CIMIP6: variants seen among roughly 807,000 people sequenced by gnomAD.
The protein encoded by CIMIP6 is uncharacterized protein C2orf73.
chr2:54,362,451 C>T, the CIMIP6 span, among the ~76,000 whole-genome samples: 5 of 152,278 alleles, frequency 3.3e-5, no homozygotes, highest in African/African-American at 1.2e-4. Context: ...TATTTCCATC[C>T]CTTCCATTCT....
chr2:54,354,883 T>C, the CIMIP6 span, among the ~76,000 whole-genome samples: 1 of 152,168 alleles, frequency 6.6e-6, no homozygotes, highest in Admixed American at 6.5e-5. Context: ...TTTTTACAGG[T>C]ATAATACTTA....
At chr2:54,366,163 A>G in the CIMIP6 span, among the ~76,000 whole-genome samples, 2 of 152,194 alleles carry the variant, frequency 1.3e-5, no homozygotes, top group African/African-American at 4.8e-5. Flanking sequence ...TGGGTTGACT[A>G]TATTACTATG....
the CIMIP6 span, among the ~76,000 whole-genome samples, chr2:54,341,363 C>T: frequency 6.6e-6 from 1 of 152,138 alleles, no homozygotes; most frequent in Non-Finnish European, 1.5e-5. Context: ...TGTGAGGATG[C>T]AGTGTTCAAG....
chr2:54,368,283 A>C, the CIMIP6 span, among the ~76,000 whole-genome samples: 3 of 151,868 alleles, frequency 2.0e-5, no homozygotes, highest in East Asian at 3.9e-4. Flanking sequence ...ATAAAGTTAA[A>C]ATTTCTTTGA....
chr2:54,381,806 T>C, the CIMIP6 span: 5 of 1,512,182 alleles, frequency 3.3e-6, no homozygotes, highest in South Asian at 1.3e-5. Flanking sequence ...TCAGACTTTT[T>C]CCCATAATTT....
At chr2:54,363,560 C>CTTTGTT in the CIMIP6 span, among the ~76,000 whole-genome samples, 118 of 152,150 alleles carry the variant, frequency 7.8e-4, no homozygotes, top group African/African-American at 2.5e-3. Flanking sequence ...ACTATCAGGT[C>CTTTGTT]ATCTCTACAC....
chr2:54,382,137 CAACA>C, the CIMIP6 span, among the ~76,000 whole-genome samples: 23 of 152,150 alleles, frequency 1.5e-4, no homozygotes, highest in Admixed American at 7.2e-4. Flanking sequence ...CAATGAAAGA[CAACA>C]AACATTCTAA....
At chr2:54,378,353 T>C in the CIMIP6 span, among the ~76,000 whole-genome samples, 5 of 152,202 alleles carry the variant, frequency 3.3e-5, no homozygotes, top group African/African-American at 1.2e-4. Flanking sequence ...CCGGAGCTTA[T>C]CCAGGTGCAG....
chr2:54,344,977 T>C, the CIMIP6 span, among the ~76,000 whole-genome samples: 1 of 152,194 alleles, frequency 6.6e-6, no homozygotes, highest in Non-Finnish European at 1.5e-5. Flanking sequence ...CCAGGCACTT[T>C]ATGGAACTTT....
chr2:54,363,649 A>AT, the CIMIP6 span, among the ~76,000 whole-genome samples: 5 of 151,534 alleles, frequency 3.3e-5, no homozygotes, highest in Non-Finnish European at 4.4e-5. Flanking sequence ...TTTATTTAAA[A>AT]ATTTTTTTTT....
At chr2:54,382,077 T>G in the CIMIP6 span, 10 of 1,382,556 alleles carry the variant, frequency 7.2e-6, no homozygotes, top group South Asian at 1.4e-4. Flanking sequence ...GAGAACTTAA[T>G]AAAGTCAGTC....
At chr2:54,377,578 C>G in the CIMIP6 span, among the ~76,000 whole-genome samples, 1 of 152,188 alleles carries the variant, frequency 6.6e-6, no homozygotes, top group Admixed American at 6.5e-5. Context: ...CAGCACACCC[C>G]TGAGATTGCT....
At chr2:54,362,895 C>G in the CIMIP6 span, among the ~76,000 whole-genome samples, 1 of 152,140 alleles carries the variant, frequency 6.6e-6, no homozygotes, top group African/African-American at 2.4e-5. Context: ...GCAAGAATTC[C>G]GTGACACTTT....
At chr2:54,336,943 A>T in the CIMIP6 span, among the ~76,000 whole-genome samples, 1 of 152,252 alleles carries the variant, frequency 6.6e-6, no homozygotes, top group Non-Finnish European at 1.5e-5. Flanking sequence ...ACTTATTTGC[A>T]GCTGAGAGCA....
the CIMIP6 span, among the ~76,000 whole-genome samples, chr2:54,365,360 A>T: frequency 6.6e-6 from 1 of 152,170 alleles, no homozygotes; most frequent in Admixed American, 6.6e-5. Flanking sequence ...AAGCCTGCAC[A>T]CACGAGACAA....
the CIMIP6 span, among the ~76,000 whole-genome samples, chr2:54,333,344 C>A: frequency 2.0e-5 from 3 of 152,106 alleles, no homozygotes; most frequent in African/African-American, 7.2e-5. Context: ...TAAGCTGAGA[C>A]CTAAATATCC....
the CIMIP6 span, among the ~76,000 whole-genome samples, chr2:54,344,556 G>A: frequency 6.6e-6 from 1 of 152,118 alleles, no homozygotes; most frequent in Non-Finnish European, 1.5e-5. Context: ...AATGAAAAGC[G>A]GGTAGGAGAG....
At chr2:54,372,789 T>C in the CIMIP6 span, among the ~76,000 whole-genome samples, 2 of 152,338 alleles carry the variant, frequency 1.3e-5, no homozygotes, top group East Asian at 1.9e-4. Flanking sequence ...GGACAAGTCA[T>C]ACCTACTGCA....
the CIMIP6 span, among the ~76,000 whole-genome samples, chr2:54,349,607 C>G: frequency 6.6e-6 from 1 of 152,150 alleles, no homozygotes; most frequent in Non-Finnish European, 1.5e-5. Context: ...CAAGTAATTA[C>G]TTTGGGTACA....
Sources: allele counts gnomAD v4.1 joint callset (sites outside exome capture counted in the v4.1 genomes callset), GRCh38; gene constraint gnomAD v4.1.1; transcripts MANE v1.5; gene names NCBI Gene and HGNC (gene_info 2026-07-23, HGNC 2026-07-21).